Variants in ITGAE observed in about 807,000 individuals in gnomAD.
ITGAE encodes integrin subunit alpha E, also known as integrin alpha-E.
ITGAE carries 99 observed loss-of-function variants against 136.5 expected under a neutral mutation model. The ratio of observed to expected loss-of-function variants is 0.73; its 90% CI spans 0.62 to 0.86. The LOEUF (loss-of-function observed/expected upper bound fraction) is 0.86. Among genes scored for constraint, ITGAE ranks in the 40% least tolerant of loss-of-function variants. The pLI is 0.00. For missense variants in ITGAE, 1,447 were observed against 1,515.3 expected, an observed-to-expected ratio of 0.95 and a Z score of 0.75; for synonymous variants, 613 against 591.8, an observed-to-expected ratio of 1.04 and a Z score of -0.52.
intron 17 of ITGAE, 142 bp from the exon 18 acceptor site, chr17:3,746,069 G>A (rs1006089596): frequency 1.4e-5 from 10 of 722,684 alleles, no homozygotes; most frequent in Middle Eastern, 4.0e-4. Context: ...GGACTCCTGC[G>A]TCGGTTTTTC....
chr17:3,781,373 A>G (rs1051268597), intron 1 of ITGAE, among the ~76,000 whole-genome samples: 12 of 148,312 alleles, frequency 8.1e-5, no homozygotes, highest in African/African-American at 2.7e-4. Context: ...TTTTTGAGAT[A>G]AAGTCTCGCT....
rs2051024235 is a variant in ITGAE at position 3,720,355 on chromosome 17, G to A, written c.3285C>T (p.Phe1095=). Residue 1095 remains phenylalanine, a synonymous_variant, in exon 29 of 31, where the codon TTC becomes TTT. Transcript: ENST00000263087. ...TCAGTCCCTCATATAGAGATTTGTT[G>A]AAAGATATTTCACCAAGGATCTGCA... ...TELQILGEIS[F]NKSLYEGLNA... is the part of the protein sequence containing the mutation. 1 of 1,590,470 alleles carries A rather than the reference G, an allele frequency of 6.3e-7. No individual in the cohort carries two copies. The highest frequency in any genetic ancestry group is 8.6e-7 in the Non-Finnish European group (1 of 1,158,674).
chr17:3,714,882 G>T lies in ITGAE; in HGVS notation c.3505C>A (p.Leu1169Met). Residue 1169 changes from leucine (L) to methionine (M), a missense_variant, in exon 31 of 31, where the codon CTG (leucine) becomes ATG (methionine). Coordinates refer to ENST00000263087, the MANE Select transcript of ITGAE (RefSeq NM_002208.5). ...LNLESIRKAQ[L>M]KSENLLEEEN is the part of the protein sequence containing the mutation. ...TCTTCGAGCAGATTCTCTGATTTCAGCTGGGCCTTCCTGATGCTCTCCAAG... is the reference window on the plus strand; with the variant it reads ...TCTTCGAGCAGATTCTCTGATTTCATCTGGGCCTTCCTGATGCTCTCCAAG... The T allele has an allele frequency of 6.2e-7, 1 of 1,611,022 alleles. No homozygotes were observed. Among genetic ancestry groups the T allele is most frequent in the Non-Finnish European group, 8.5e-7 (1 of 1,178,232 alleles).
chr17:3,764,082 T>C (rs2052237129), intron 2 of ITGAE, 122 bp from the exon 3 acceptor site: 2 of 662,794 alleles, frequency 3.0e-6, no homozygotes, highest in East Asian at 5.5e-5. Flanking sequence ...GGCCGGCAGA[T>C]TCCTAGCCCA....
chr17:3,790,510 A>AC (rs2143462751), intron 1 of ITGAE, among the ~76,000 whole-genome samples: 2 of 121,582 alleles, frequency 1.6e-5, no homozygotes, highest in East Asian at 4.3e-4. Context: ...CGTCTCAAAC[A>AC]AACACACACA....
At chr17:3,723,955 G>C (rs772739493) in intron 26 of ITGAE, 5 of 1,567,146 alleles carry the variant, frequency 3.2e-6, no homozygotes, top group Non-Finnish European at 4.3e-6. Context: ...TCGCTCCCGG[G>C]ACCTGGGAGC....
intron 1 of ITGAE, among the ~76,000 whole-genome samples, chr17:3,797,157 AT>A (rs56101818): frequency 0.023 from 2,188 of 93,810 alleles, 58 homozygotes; most frequent in East Asian, 0.22. Flanking sequence ...ATATATATAT[AT>A]TTTTTTTTTT....
Position 3,758,011 on chromosome 17 carries a change from C to T in ITGAE, c.867-152G>A, listed in dbSNP as rs536906396. 2.6e-5 allele frequency: 22 copies of T among 862,070 alleles called. No homozygotes were observed. The East Asian group carries it at 2.9e-4, about 11-fold the overall frequency. 53.4% of individuals were successfully genotyped at this position (862,070 alleles called of 1,614,324 possible). A position where few individuals can be genotyped will look rare whatever the true frequency, so the allele number is the denominator to read the frequency against. On this transcript the variant is annotated intron_variant, in intron 8 of 30. Coordinates refer to ENST00000263087, the MANE Select transcript of ITGAE (RefSeq NM_002208.5). ...AAGGGGGTGATGCCCCCTTAAGTCA[C>T]GCAGCGAGGCTGGGCAGAGGGAGGG... is the stretch of plus-strand genomic sequence containing the variant.
Position 3,781,318 on chromosome 17 carries a change from T to G in ITGAE, c.35-3658A>C, listed in dbSNP as rs2052661553. 2.0e-5 allele frequency among the ~76,000 whole-genome samples: 3 copies of G among 152,190 alleles called. No homozygotes were observed. In the South Asian group the frequency reaches 6.2e-4, roughly 32 times the overall value. ...CTTTTCATCCACTCATGTTTCCTTC[T>G]ATATTTTTTTTCTTCTTTCATTTCT... On this transcript the variant is annotated intron_variant, in intron 1 of 30. Coordinates refer to ENST00000263087, the MANE Select transcript of ITGAE (RefSeq NM_002208.5).
At chr17:3,724,418 G>A in intron 26 of ITGAE, 2 of 1,612,698 alleles carry the variant, frequency 1.2e-6, no homozygotes, top group Non-Finnish European at 1.7e-6. Flanking sequence ...ACGGCGACGA[G>A]CTGGGCATCA....
chr17:3,789,293 G>C (rs1352117449), intron 1 of ITGAE, among the ~76,000 whole-genome samples: 1 of 151,944 alleles, frequency 6.6e-6, no homozygotes, highest in Non-Finnish European at 1.5e-5. Flanking sequence ...GAAGTAAAAA[G>C]GGCACCATCT....
chr17:3,754,846 C>T (rs2051963938), intron 12 of ITGAE: 1 of 470,840 alleles, frequency 2.1e-6, no homozygotes, highest in Non-Finnish European at 3.8e-6. Context: ...ACGTAACTTC[C>T]AGGCCCCGCC....
chr17:3,761,808 G>A (rs2052177519), intron 4 of ITGAE, 107 bp downstream of exon 4: 1 of 1,000,000 alleles, frequency 1.0e-6, no homozygotes, highest in Non-Finnish European at 1.5e-6. Flanking sequence ...GCTAGACTCA[G>A]CCTCGGGAAC....
At chr17:3,731,230 TCA>T in intron 22 of ITGAE, 47 bp from the exon 23 acceptor site, 1 of 1,457,656 alleles carries the variant, frequency 6.9e-7, no homozygotes, top group Non-Finnish European at 9.6e-7. Context: ...TCTATGCCAC[TCA>T]CAATTCAGAC....
chr17:3,777,686 T>C, intron 1 of ITGAE, 26 bp from the exon 2 acceptor site: 1 of 1,590,298 alleles, frequency 6.3e-7, no homozygotes, highest in Non-Finnish European at 8.6e-7. Context: ...GAGCGTTTAA[T>C]GAAAGAGGCC....
intron 26 of ITGAE, 30 bp downstream of exon 26, chr17:3,727,889 T>C (rs1233159882): frequency 7.7e-7 from 1 of 1,298,380 alleles, no homozygotes; most frequent in Middle Eastern, 1.8e-4. Flanking sequence ...TGGAAAGAGG[T>C]GTGACTGATA....
intron 2 of ITGAE, among the ~76,000 whole-genome samples, chr17:3,772,059 G>A (rs1434089958): frequency 3.3e-5 from 5 of 152,134 alleles, no homozygotes; most frequent in African/African-American, 1.2e-4. Context: ...TTAGCCACAC[G>A]TGATTTTCTC....
chr17:3,714,657 C>T lies in ITGAE; in HGVS notation c.*190G>A, dbSNP rs1309212189. On this transcript the variant is annotated 3_prime_UTR_variant, in exon 31 of 31. Coordinates refer to ENST00000263087, the MANE Select transcript of ITGAE (RefSeq NM_002208.5). ...AAGAAAAGTGTAAATTTATTTAATA[C>T]CAAATGTTTCCTAAGTTTACTTTTT... 1 of 446,414 alleles carries T rather than the reference C, an allele frequency of 2.2e-6. No homozygotes were observed. Among genetic ancestry groups the T allele is most frequent in the African/African-American group, 2.0e-5 (1 of 49,408 alleles). The allele number at this position is 446,414 out of a possible 1,614,324, so 27.7% of individuals were successfully genotyped here.
Position 3,732,442 on chromosome 17 carries a change from C to T in ITGAE, c.2680G>A (p.Asp894Asn). 3.1e-6 allele frequency: 5 copies of T among 1,614,122 alleles called. No homozygotes were observed. The highest frequency in any genetic ancestry group is 4.2e-6 in the Non-Finnish European group (5 of 1,179,968). Residue 894 changes from aspartate (D) to asparagine (N), a missense_variant, in exon 22 of 31, where the codon GAT becomes AAT. Around this residue, in one of 3 missense-constraint regions of ITGAE, gnomAD observed 1,031 missense variants for 1,011.4 expected, o/e 1.02. Coordinates refer to ENST00000263087, the MANE Select transcript of ITGAE (RefSeq NM_002208.5). ...ACAGAAGCAACCGGCTGAGGGTCAT[C>T]ACACTGAATGTTTGGAGAGGGAGGC... ...QKPPSPNIQCDDPQPVASVLI... is the reference protein window; with the variant it reads ...QKPPSPNIQCNDPQPVASVLI...
Sources: allele counts gnomAD v4.1 joint callset (sites outside exome capture counted in the v4.1 genomes callset), GRCh38; gene constraint gnomAD v4.1.1; regional missense constraint gnomAD v4.1.1; transcripts MANE v1.5; gene names NCBI Gene and HGNC (gene_info 2026-07-23, HGNC 2026-07-21).